Variants in TRPA1 observed in about 807,000 individuals in gnomAD.
TRPA1 encodes ankyrin-like with transmembrane domains 1.
In TRPA1, 129 loss-of-function variants were observed where a neutral mutation model predicts 131.3. The observed-to-expected ratio is 0.98, with a 90% CI of 0.85 to 1.14. The LOEUF (loss-of-function observed/expected upper bound fraction) is 1.14. TRPA1 is among the 50% of genes most tolerant of loss of function. TRPA1 has a pLI of 0.00. For synonymous variants in TRPA1, 441 were observed against 451.7 expected, an observed-to-expected ratio of 0.98 and a Z score of 0.30; for missense variants, 1,304 against 1,354.2, an observed-to-expected ratio of 0.96 and a Z score of 0.58.
the TRPA1 span, among the ~76,000 whole-genome samples, chr8:72,083,070 G>A: frequency 2.4e-3 from 362 of 151,882 alleles, 1 homozygote; most frequent in African/African-American, 8.0e-3. Context: ...ATCTGCTATT[G>A]AACCTACTAG....
At chr8:72,052,503 G>T in intron 14 of TRPA1, 96 bp downstream of exon 14, 3 of 1,500,224 alleles carry the variant, frequency 2.0e-6, no homozygotes, top group Non-Finnish European at 2.8e-6. Flanking sequence ...TTGATTAATG[G>T]CTGAAAATCA....
chr8:72,029,349 A>G (rs949674303), intron 24 of TRPA1, among the ~76,000 whole-genome samples: 21 of 152,328 alleles, frequency 1.4e-4, no homozygotes, highest in Non-Finnish European at 2.6e-4. Flanking sequence ...AAAGATGCTC[A>G]GGCAATTTCT....
At position 72,063,022 on chromosome 8, in the gene TRPA1, C is replaced by T. The variant is rs1805844987; in HGVS notation, c.662-78G>A. On this transcript the variant is annotated intron_variant, in intron 5 of 26. Transcript: ENST00000262209. ...GAGGTTTTTTGTTAAAAAATATGAA[C>T]AAAGGTAAAAAAACAATGAAAGGGC... 3.6e-6 allele frequency: 5 copies of T among 1,376,708 alleles called. No homozygotes were observed. The South Asian group carries it at 5.3e-5, about 14-fold the overall frequency. The allele number at this position is 1,376,708 out of a possible 1,614,324, so 85.3% of individuals were successfully genotyped here. A position where few individuals can be genotyped will look rare whatever the true frequency, so the allele number is the denominator to read the frequency against.
intron 24 of TRPA1, 28 bp from the exon 25 acceptor site, chr8:72,026,101 G>A (rs1811599718): frequency 6.4e-7 from 1 of 1,554,566 alleles, no homozygotes; most frequent in African/African-American, 1.4e-5. Flanking sequence ...TTTATTGATA[G>A]AATCATTAGT....
At chr8:72,034,883 C>T (rs1484509488) in intron 21 of TRPA1, among the ~76,000 whole-genome samples, 1 of 152,172 alleles carries the variant, frequency 6.6e-6, no homozygotes, top group Non-Finnish European at 1.5e-5. Flanking sequence ...GACAACTGGA[C>T]ATTACTTCAA....
chr8:72,043,828 C>A (rs1391771847), intron 17 of TRPA1, among the ~76,000 whole-genome samples: 1 of 151,794 alleles, frequency 6.6e-6, no homozygotes, highest in South Asian at 2.1e-4. Context: ...CACTCTATTA[C>A]ATTTTTTCAA....
the TRPA1 span, among the ~76,000 whole-genome samples, chr8:72,085,345 T>C: frequency 9.8e-4 from 149 of 152,312 alleles, 3 homozygotes; most frequent in East Asian, 0.021. Context: ...TATGCAAACA[T>C]GTATAGTAAG....
intron 6 of TRPA1, 88 bp downstream of exon 6, chr8:72,062,711 C>G (rs959107846): frequency 7.6e-7 from 1 of 1,315,064 alleles, no homozygotes; most frequent in South Asian, 1.2e-5. Flanking sequence ...GTATTTCAAT[C>G]TAAATTAACT....
the TRPA1 span, among the ~76,000 whole-genome samples, chr8:72,085,835 C>T: frequency 6.6e-6 from 1 of 152,044 alleles, no homozygotes; most frequent in African/African-American, 2.4e-5. Context: ...ATTTCCTCTT[C>T]CTGGTTAGGT....
In TRPA1 at chr8:72,026,016, C is replaced by G. The variant is rs1351877226; in HGVS notation, c.2995G>C (p.Asp999His). The G allele has an allele frequency of 6.2e-7, 1 of 1,614,032 alleles. No homozygotes were observed. The highest frequency in any genetic ancestry group is 1.7e-5 in the Admixed American group (1 of 59,990). ...KLPLWFLRKV[D>H]QKSTIVYPNK... ...GGATACACGATGGTGGATTTCTGAT[C>G]CACTTTGCGTAGAAACCAAAGTGGC... The change falls in exon 25 of 27, where the codon GAT (aspartate) becomes CAT (histidine). Residue 999 changes from aspartate (D) to histidine (H), a missense_variant. Physicochemically the swap from Asp to His is moderately conservative, Grantham distance 81. Coordinates refer to ENST00000262209, the MANE Select transcript of TRPA1 (RefSeq NM_007332.3).
At chr8:72,052,959 G>A (rs1270678936) in intron 13 of TRPA1, 194 bp from the exon 14 acceptor site, 1 of 494,154 alleles carries the variant, frequency 2.0e-6, no homozygotes, top group Non-Finnish European at 3.7e-6. Context: ...TGTGTGGGAA[G>A]TGGATCTGTG....
At chr8:72,061,140 T>C (rs1407119480) in intron 7 of TRPA1, among the ~76,000 whole-genome samples, 1 of 152,268 alleles carries the variant, frequency 6.6e-6, no homozygotes, top group African/African-American at 2.4e-5. Context: ...AAATTTGTTA[T>C]TGTTTTTGGA....
chr8:72,076,953 T>C (rs575866737), upstream of TRPA1, among the ~76,000 whole-genome samples: 2 of 152,212 alleles, frequency 1.3e-5, no homozygotes, highest in South Asian at 4.1e-4. Context: ...AAGGAGGTAA[T>C]GCATTTGGAG....
rs771129521 is a variant in TRPA1, at chr8:72,023,020, A to C, written c.3246T>G (p.Asp1082Glu). 3 of 1,613,882 alleles carry C rather than the reference A, an allele frequency of 1.9e-6. No individual in the cohort carries two copies. The East Asian group carries it at 6.7e-5, about 36-fold the overall frequency. The change falls in exon 27 of 27, where the codon GAT becomes GAG. Residue 1082 changes from aspartate to glutamate, a missense_variant. By Grantham distance (45) the Asp-to-Glu change is conservative. Coordinates refer to ENST00000262209, the MANE Select transcript of TRPA1 (RefSeq NM_007332.3). ...MEIISETEDD[D>E]SHCSFQDRFK... ...ACCTGTCTTGAAAAGAACAATGGCT[A>C]TCATCATCCTCTGTCTCAGAGATGA...
intron 20 of TRPA1, among the ~76,000 whole-genome samples, chr8:72,036,935 T>C (rs1812073225): frequency 6.6e-6 from 1 of 152,182 alleles, no homozygotes; most frequent in African/African-American, 2.4e-5. Context: ...TATGTATTGG[T>C]CATTAAATTT....
At chr8:72,057,223 G>A (rs1283369147) in intron 9 of TRPA1, among the ~76,000 whole-genome samples, 5 of 152,138 alleles carry the variant, frequency 3.3e-5, no homozygotes, top group African/African-American at 1.2e-4. Flanking sequence ...GTATGTGTAA[G>A]TGGGGTAGAA....
intron 1 of TRPA1, 73 bp from the exon 2 acceptor site, chr8:72,071,940 GA>G: frequency 7.3e-7 from 1 of 1,372,194 alleles, no homozygotes; most frequent in Non-Finnish European, 1.0e-6. Context: ...TTTATAGCCT[GA>G]AAGAACTTAT....
At chr8:72,086,990 T>G in the TRPA1 span, among the ~76,000 whole-genome samples, 12 of 151,826 alleles carry the variant, frequency 7.9e-5, no homozygotes, top group Admixed American at 2.6e-4. Flanking sequence ...AGTACCAGAG[T>G]CTCACTCTCA....
chr8:72,053,487 G>C (rs117786400), intron 13 of TRPA1: 21 of 482,870 alleles, frequency 4.3e-5, no homozygotes, highest in Non-Finnish European at 7.6e-5. Context: ...GGGAGTAAAC[G>C]CTTTACCATC....
Sources: allele counts gnomAD v4.1 joint callset (sites outside exome capture counted in the v4.1 genomes callset), GRCh38; gene constraint gnomAD v4.1.1; transcripts MANE v1.5; gene names NCBI Gene and HGNC (gene_info 2026-07-23, HGNC 2026-07-21).